Variants in CCT8 observed in about 807,000 individuals in gnomAD.
CCT8 encodes T-complex protein 1 subunit theta.
In CCT8, 10 loss-of-function variants were observed where a neutral mutation model predicts 65.7. The ratio of observed to expected loss-of-function variants is 0.15; its 90% CI spans 0.09 to 0.26. The LOEUF (loss-of-function observed/expected upper bound fraction) is 0.26. Ranked by LOEUF, CCT8 falls within the 10% of genes least tolerant of loss-of-function variation. The pLI is 1.00. For missense variants in CCT8, 568 were observed against 669.1 expected (o/e 0.85, Z 1.67); for synonymous variants, 199 against 221.8 (o/e 0.90, Z 0.92).
At chr21:29,067,140 A>G (rs941304650) in intron 4 of CCT8, 69 bp from the exon 5 acceptor site, 7 of 1,020,140 alleles carry the variant, frequency 6.9e-6, no homozygotes, top group Non-Finnish European at 1.0e-5. Context: ...CCCAATGCAT[A>G]TGGATGTTTA....
intron 14 of CCT8, among the ~76,000 whole-genome samples, chr21:29,057,828 G>A (rs568377210): frequency 1.0e-4 from 15 of 149,678 alleles, no homozygotes; most frequent in African/African-American, 3.5e-4. Flanking sequence ...CATATGATAT[G>A]TGTGATATAT....
intron 1 of CCT8, chr21:29,071,862 C>T: frequency 1.5e-6 from 1 of 686,222 alleles, no homozygotes. Context: ...AATGGTTTCC[C>T]AACCAGCTTA....
At chr21:29,067,199 T>C in intron 4 of CCT8, 128 bp from the exon 5 acceptor site, 1 of 644,860 alleles carries the variant, frequency 1.6e-6, no homozygotes, top group Non-Finnish European at 2.5e-6. Context: ...AAACATATAG[T>C]AGACTCTACT....
In CCT8 at chr21:29,058,651, G is replaced by T. The variant is rs190509031; in HGVS notation, c.1569+1890C>A. The stretch of plus-strand genomic sequence containing the variant: ...CTGTCGCCCAGGCTGGAGTACAGTG[G>T]TGCCATCTCTACTCACTGCAGGCTC... On this transcript the variant is annotated intron_variant, in intron 14 of 14. Coordinates refer to ENST00000286788, the MANE Select transcript of CCT8 (RefSeq NM_006585.4). Among the ~76,000 whole-genome samples the T allele has an allele frequency of 4.6e-3, 688 of 148,510 alleles. 2 individuals carry two copies. Among genetic ancestry groups the T allele is most frequent in the Non-Finnish European group, 7.2e-3 (487 of 67,366 alleles).
At chr21:29,065,251 G>T in intron 6 of CCT8, 146 bp from the exon 7 acceptor site, 1 of 763,738 alleles carries the variant, frequency 1.3e-6, no homozygotes, top group Non-Finnish European at 2.1e-6. Flanking sequence ...GGGTGGAGTG[G>T]TGGACATACA....
chr21:29,067,084 C>A lies in CCT8; in HGVS notation c.382-13G>T. The A allele has an allele frequency of 6.3e-7, 1 of 1,584,672 alleles. No homozygotes were observed. The highest frequency in any genetic ancestry group is 2.2e-5 in the East Asian group (1 of 44,498). ...AACCTTCTATGACCTAAAACATAAACAACATTTCCTATTCTGACATGACTT... is the reference window on the plus strand; with the variant it reads ...AACCTTCTATGACCTAAAACATAAAAAACATTTCCTATTCTGACATGACTT... On this transcript the variant is annotated splice_polypyrimidine_tract_variant and intron_variant, in intron 4 of 14. Coordinates refer to ENST00000286788, the MANE Select transcript of CCT8 (RefSeq NM_006585.4).
Position 29,072,947 on chromosome 21 carries a change from C to T in CCT8, c.60+584G>A, listed in dbSNP as rs2070613. ...AAGGAAACAAAACCCAAGAAAGTTACATTTTAGATTAAGCCAGCTAACATA... is the reference window on the plus strand; with the variant it reads ...AAGGAAACAAAACCCAAGAAAGTTATATTTTAGATTAAGCCAGCTAACATA... On this transcript the variant is annotated intron_variant, in intron 1 of 14. Coordinates refer to ENST00000286788, the MANE Select transcript of CCT8 (RefSeq NM_006585.4). Among the ~76,000 whole-genome samples the T allele has an allele frequency of 5.9e-5, 9 of 152,296 alleles. No individual in the cohort carries two copies. The East Asian group carries it at 1.2e-3, about 20-fold the overall frequency.
Position 29,056,425 on chromosome 21 carries a change from G to C in CCT8, c.*50C>G, listed in dbSNP as rs186406731. On this transcript the variant is annotated 3_prime_UTR_variant, in exon 15 of 15. Transcript: ENST00000286788. ...AATAAGAAAACATCAGGTGATTCTTGAGTACTACTACAAATACAGCCTTCA... is the reference window on the plus strand; with the variant it reads ...AATAAGAAAACATCAGGTGATTCTTCAGTACTACTACAAATACAGCCTTCA... The C allele has an allele frequency of 9.0e-4, 869 of 963,880 alleles. 8 individuals are homozygous for C. The African/African-American group carries it at 0.012, about 14-fold the overall frequency. 59.7% of individuals were successfully genotyped at this position (963,880 alleles called of 1,614,324 possible).
In CCT8 at chr21:29,061,369, A is replaced by G. The variant is rs766934965; in HGVS notation, c.1333T>C (p.Phe445Leu). ...QYAIKKFAEA[F>L]EAIPRALAEN... is the part of the protein sequence containing the mutation. ...GCCAGTGCGCGGGGAATAGCTTCAA[A>G]TGCCTCAGCAAACTTCTTAATAGCA... Residue 445 changes from phenylalanine (F) to leucine (L), a missense_variant, in exon 13 of 15, where the codon TTT (phenylalanine) becomes CTT (leucine). Physicochemically the swap from Phe to Leu is conservative, Grantham distance 22. Transcript: ENST00000286788. 1.2e-6 allele frequency: 2 copies of G among 1,614,096 alleles called. No homozygotes were observed. Among genetic ancestry groups the G allele is most frequent in the Non-Finnish European group, 8.5e-7 (1 of 1,179,962 alleles).
chr21:29,063,886 C>T (rs1048983910), intron 7 of CCT8, among the ~76,000 whole-genome samples: 1 of 152,136 alleles, frequency 6.6e-6, no homozygotes, highest in Non-Finnish European at 1.5e-5. Context: ...CCTGCCTCAG[C>T]CTCCCAAGTA....
rs754052053 is a variant in CCT8, at chr21:29,061,320, T to C, written c.1382A>G (p.Asn461Ser). Reference protein sequence around the residue: ...ALAENSGVKANEVISKLYAVH... With the variant: ...ALAENSGVKASEVISKLYAVH... ...TGCATAAAGTTTAGAGATTACTTCA[T>C]TGGCCTTAACTCCAGAGTTTTCTGC... The change falls in exon 13 of 15, where the codon AAT (asparagine) becomes AGT (serine). Residue 461 changes from asparagine (N) to serine (S), a missense_variant. Coordinates refer to ENST00000286788, the MANE Select transcript of CCT8 (RefSeq NM_006585.4). 101 of 1,613,876 alleles carry C rather than the reference T, an allele frequency of 6.3e-5. 1 individual carries two copies. Among genetic ancestry groups the C allele is most frequent in the Admixed American group, 4.5e-4 (27 of 60,010 alleles).
At position 29,062,360 on chromosome 21, in the gene CCT8, A is replaced by G. The variant is rs759257153; in HGVS notation, c.1064T>C (p.Val355Ala). Reference sequence around the variant, plus strand: ...AAAAACCACCACCTGAGTATCTCCAACTTCTGAGAGGTAAACACTGTCACA... The same window carrying G: ...AAAAACCACCACCTGAGTATCTCCAGCTTCTGAGAGGTAAACACTGTCACA... ...GHCDSVYLSE[V>A]GDTQVVVFKH... The change falls in exon 10 of 15, where the codon GTT becomes GCT. Residue 355 changes from valine to alanine, a missense_variant. By Grantham distance (64) the Val-to-Ala change is moderately conservative. Transcript: ENST00000286788. 3 of 1,614,014 alleles carry G rather than the reference A, an allele frequency of 1.9e-6. No individual in the cohort carries two copies. The highest frequency in any genetic ancestry group is 2.2e-5 in the East Asian group (1 of 44,866).
At chr21:29,064,347 G>A (rs1390634653) in intron 7 of CCT8, among the ~76,000 whole-genome samples, 5 of 147,128 alleles carry the variant, frequency 3.4e-5, no homozygotes, top group Admixed American at 1.4e-4. Flanking sequence ...CCCAGGAGGC[G>A]GAGGTTGCAG....
In CCT8 at chr21:29,066,967, A is replaced by G; in HGVS notation, c.486T>C (p.Ser162=). Residue 162 remains serine, a synonymous_variant, in exon 5 of 15, where the codon TCT becomes TCC. Transcript: ENST00000286788. The part of the protein sequence containing the change: ...KNLRDIDEVS[S]LLRTSIMSKQ... ...TACTCATTATGGAGGTACGAAGTAG[A>G]GATGAGACTTCATCAATATCTCGAA... The G allele has an allele frequency of 6.2e-7, 1 of 1,613,576 alleles. No individual in the cohort carries two copies. Among genetic ancestry groups the G allele is most frequent in the Non-Finnish European group, 8.5e-7 (1 of 1,179,568 alleles).
chr21:29,063,732 A>T (rs1319786304), intron 7 of CCT8, among the ~76,000 whole-genome samples: 3 of 152,200 alleles, frequency 2.0e-5, no homozygotes, highest in Admixed American at 2.0e-4. Flanking sequence ...AAACAGATGC[A>T]TCTGCTTTTG....
intron 6 of CCT8, among the ~76,000 whole-genome samples, chr21:29,065,981 T>C (rs954305136): frequency 9.3e-5 from 14 of 150,436 alleles, no homozygotes; most frequent in Admixed American, 5.3e-4. Context: ...ACTTGGGAGG[T>C]TGAGGCAGGA....
Position 29,060,416 on chromosome 21 carries a change from C to T in CCT8, c.1569+125G>A, listed in dbSNP as rs1568909420. ...AAAATTGGAGGGGGGCACATAGTAT[C>T]TCTAATAGGTGAGGACTAAGAATCC... On this transcript the variant is annotated intron_variant, in intron 14 of 14. Coordinates refer to ENST00000286788, the MANE Select transcript of CCT8 (RefSeq NM_006585.4). 8 of 928,616 alleles carry T rather than the reference C, an allele frequency of 8.6e-6. No homozygotes were observed. The East Asian group carries it at 1.6e-4, about 19-fold the overall frequency. 57.5% of individuals were successfully genotyped at this position (928,616 alleles called of 1,614,324 possible). A position where few individuals can be genotyped will look rare whatever the true frequency, so the allele number is the denominator to read the frequency against.
intron 3 of CCT8, among the ~76,000 whole-genome samples, chr21:29,068,839 T>C (rs888834653): frequency 6.6e-6 from 1 of 152,242 alleles, no homozygotes; most frequent in African/African-American, 2.4e-5. Context: ...GATTAAGTTC[T>C]AGTGCTTTCA....
chr21:29,073,255 C>A (rs2085703310), intron 1 of CCT8: 1 of 1,320,462 alleles, frequency 7.6e-7, no homozygotes, highest in Non-Finnish European at 9.7e-7. Flanking sequence ...GGAGGCAAAA[C>A]GCACGCGCGG....
Sources: allele counts gnomAD v4.1 joint callset (sites outside exome capture counted in the v4.1 genomes callset), GRCh38; gene constraint gnomAD v4.1.1; transcripts MANE v1.5; gene names NCBI Gene and HGNC (gene_info 2026-07-23, HGNC 2026-07-21).